Variants in TMTC1 observed in about 807,000 individuals in gnomAD.
The protein encoded by TMTC1 is protein O-mannosyl-transferase TMTC1.
A neutral mutation model predicts 104.8 loss-of-function variants in TMTC1; 73 were observed. The ratio of observed to expected loss-of-function variants is 0.70; its 90% CI spans 0.58 to 0.85. The LOEUF (loss-of-function observed/expected upper bound fraction) is 0.85. Ranked by LOEUF, TMTC1 falls within the 40% of genes least tolerant of loss-of-function variation. The pLI is 0.00. For synonymous variants in TMTC1, 434 were observed against 428.7 expected (o/e 1.01, Z -0.15); for missense variants, 1,035 against 1,096.1 (o/e 0.94, Z 0.79).
At chr12:29,684,498 G>T (rs1015684021) in intron 5 of TMTC1, among the ~76,000 whole-genome samples, 3 of 152,152 alleles carry the variant, frequency 2.0e-5, no homozygotes, top group Admixed American at 2.0e-4. Context: ...AATTAGTACA[G>T]TAATAAGTTC....
intron 4 of TMTC1, among the ~76,000 whole-genome samples, chr12:29,753,152 C>G (rs1277391833): frequency 6.6e-6 from 1 of 152,168 alleles, no homozygotes; most frequent in Admixed American, 6.5e-5. Context: ...GATGAAAGAT[C>G]TCAAGAACCA....
rs1287105698 is a variant in TMTC1, at chr12:29,677,838, C to G, written c.939-44502G>C. 3.9e-5 allele frequency among the ~76,000 whole-genome samples: 6 copies of G among 152,350 alleles called. No homozygotes were observed. The South Asian group carries it at 1.0e-3, about 26-fold the overall frequency. On this transcript the variant is annotated intron_variant, in intron 5 of 17. Transcript: ENST00000539277. ...TTTACTTAATAATGCCCCACACATG[C>G]AAAAGCAGCGATGCTGCCATATGGC...
rs889824712 is a variant in TMTC1, at chr12:29,653,481, C to A, written c.939-20145G>T. On this transcript the variant is annotated intron_variant, in intron 5 of 17. Transcript: ENST00000539277. ...TGGACAACTAAATGGACAATTGGGCCTTGGGGAACTTGCTTATCAAAAGAA... is the reference window on the plus strand; with the variant it reads ...TGGACAACTAAATGGACAATTGGGCATTGGGGAACTTGCTTATCAAAAGAA... 2.6e-5 allele frequency among the ~76,000 whole-genome samples: 4 copies of A among 152,228 alleles called. No homozygotes were observed. The South Asian group carries it at 8.3e-4, about 32-fold the overall frequency.
intron 5 of TMTC1, among the ~76,000 whole-genome samples, chr12:29,642,786 G>T (rs1027923142): frequency 2.0e-5 from 3 of 152,020 alleles, no homozygotes; most frequent in African/African-American, 7.2e-5. Context: ...TTAGCCGGGC[G>T]TGGTGGCGGG....
intron 9 of TMTC1, among the ~76,000 whole-genome samples, chr12:29,567,290 G>A (rs1024496980): frequency 6.6e-6 from 1 of 152,208 alleles, no homozygotes; most frequent in Non-Finnish European, 1.5e-5. Context: ...AAATGAAAAA[G>A]TGGTCTAAGA....
rs377153048 is a variant in TMTC1 at position 29,616,106 on chromosome 12, C to T, written c.1129-11807G>A. 6.3e-4 allele frequency among the ~76,000 whole-genome samples: 96 copies of T among 152,252 alleles called. 3 individuals are homozygous for T. The highest frequency in any genetic ancestry group is 1.8e-3 in the African/African-American group (73 of 41,552). ...AGAGCAACATAAAGGCTTTGTGAAG[C>T]CCCCCAGTAAAGAAATATGTTTAAC... On this transcript the variant is annotated intron_variant, in intron 6 of 17. Coordinates refer to ENST00000539277, the MANE Select transcript of TMTC1 (RefSeq NM_001193451.2).
At chr12:29,713,715 G>C (rs1195703082) in intron 5 of TMTC1, among the ~76,000 whole-genome samples, 1 of 152,026 alleles carries the variant, frequency 6.6e-6, no homozygotes, top group Non-Finnish European at 1.5e-5. Flanking sequence ...AATACTATTA[G>C]GTATTTTCAC....
intron 5 of TMTC1, among the ~76,000 whole-genome samples, chr12:29,656,427 T>G (rs1273911796): frequency 1.3e-5 from 2 of 149,792 alleles, no homozygotes; most frequent in African/African-American, 4.9e-5. Flanking sequence ...CAATCTCGGC[T>G]CACTGCAACC....
At chr12:29,751,373 G>A (rs1240667951) in intron 5 of TMTC1, among the ~76,000 whole-genome samples, 1 of 152,114 alleles carries the variant, frequency 6.6e-6, no homozygotes, top group African/African-American at 2.4e-5. Context: ...CCTCCCCCAG[G>A]AAACGTAGGG....
intron 5 of TMTC1, among the ~76,000 whole-genome samples, chr12:29,736,234 C>T (rs1253782060): frequency 6.8e-6 from 1 of 146,700 alleles, no homozygotes; most frequent in African/African-American, 2.5e-5. Flanking sequence ...TTGAGCTCCA[C>T]CCGTAGTTTC....
intron 5 of TMTC1, among the ~76,000 whole-genome samples, chr12:29,749,493 G>A (rs1261522729): frequency 6.6e-6 from 1 of 152,092 alleles, no homozygotes. Flanking sequence ...TAGTCACATG[G>A]CAGCCTAGCT....
intron 9 of TMTC1, among the ~76,000 whole-genome samples, chr12:29,567,033 C>A (rs1025726615): frequency 6.6e-6 from 1 of 152,166 alleles, no homozygotes; most frequent in Non-Finnish European, 1.5e-5. Flanking sequence ...CTGGATGCAG[C>A]GATTGGTTGA....
chr12:29,697,870 T>C (rs1302175847), intron 5 of TMTC1, among the ~76,000 whole-genome samples: 1 of 152,082 alleles, frequency 6.6e-6, no homozygotes, highest in African/African-American at 2.4e-5. Flanking sequence ...GAGTTAAAAG[T>C]TACTCCCAAC....
chr12:29,592,024 G>A (rs1412880860), intron 7 of TMTC1, among the ~76,000 whole-genome samples: 1 of 152,158 alleles, frequency 6.6e-6, no homozygotes, highest in African/African-American at 2.4e-5. Context: ...TATTTGCTAT[G>A]GCTTCACTTT....
intron 9 of TMTC1, among the ~76,000 whole-genome samples, chr12:29,567,810 C>T (rs11050285): frequency 0.59 from 89,795 of 151,966 alleles, 27,591 homozygotes; most frequent in Non-Finnish European, 0.67. Context: ...GCCTTAGGGT[C>T]TGCCTTATTT....
rs547398812 is a variant in TMTC1 at position 29,692,552 on chromosome 12, A to G, written c.938+59114T>C. ...GGAACCTTTATACATTACTGGTAGG[A>G]TATGTCAACTGGTACAAGCAGTTTG... is the stretch of plus-strand genomic sequence containing the variant. On this transcript the variant is annotated intron_variant, in intron 5 of 17. Transcript: ENST00000539277. Among the ~76,000 whole-genome samples, 145 of 145,416 alleles carry G rather than the reference A, an allele frequency of 1.0e-3. 28 individuals carry two copies. Among genetic ancestry groups the G allele is most frequent in the Non-Finnish European group, 1.4e-4 (9 of 66,268 alleles).
At chr12:29,614,104 A>T (rs1207155832) in intron 6 of TMTC1, 1 of 165,402 alleles carries the variant, frequency 6.0e-6, no homozygotes, top group Non-Finnish European at 1.2e-5. Context: ...AACTACGGAG[A>T]TATGTTTGGC....
chr12:29,542,379 A>T (rs943078688), intron 10 of TMTC1, among the ~76,000 whole-genome samples: 1 of 152,202 alleles, frequency 6.6e-6, no homozygotes, highest in Non-Finnish European at 1.5e-5. Flanking sequence ...GTAAGCGTAA[A>T]ACTGCTCCAG....
At chr12:29,670,037 C>T (rs1019151540) in intron 5 of TMTC1, among the ~76,000 whole-genome samples, 1 of 152,178 alleles carries the variant, frequency 6.6e-6, no homozygotes, top group East Asian at 1.9e-4. Context: ...TTCCATCCAT[C>T]CAAGTTTGTT....
Sources: allele counts gnomAD v4.1 joint callset (sites outside exome capture counted in the v4.1 genomes callset), GRCh38; gene constraint gnomAD v4.1.1; transcripts MANE v1.5; gene names NCBI Gene and HGNC (gene_info 2026-07-23, HGNC 2026-07-21).